The following FRMPD4 variants were observed in gnomAD, a reference collection of about 807,000 sequenced individuals.
FRMPD4 encodes FERM and PDZ domain-containing protein 4.
FRMPD4 carries 22 observed loss-of-function variants against 94.1 expected under a neutral mutation model. The observed-to-expected ratio is 0.23, with a 90% confidence interval of 0.17 to 0.33. FRMPD4 has a LOEUF of 0.33. Ranked by LOEUF, FRMPD4 falls within the 10% of genes least tolerant of loss-of-function variation. FRMPD4 has a pLI of 1.00. For missense variants in FRMPD4, 1,111 were observed against 1,339.9 expected, an observed-to-expected ratio of 0.83 and a Z score of 2.67; for synonymous variants, 631 against 548.6, an observed-to-expected ratio of 1.15 and a Z score of -2.10.
chrX:11,832,650 G>T (rs1014036133), intron 1 of FRMPD4, among the ~76,000 whole-genome samples: 1 of 111,748 alleles, frequency 8.9e-6, no homozygotes, highest in African/African-American at 3.3e-5. Context: ...TTAAAGAGGA[G>T]CATCCCCAAC....
At chrX:12,004,671 A>G (rs1375466514) in intron 3 of FRMPD4, among the ~76,000 whole-genome samples, 1 of 98,927 alleles carries the variant, frequency 1.0e-5, no homozygotes, top group African/African-American at 3.7e-5. Context: ...AATGTTTGGT[A>G]TTGTTTTCTG....
intron 1 of FRMPD4, among the ~76,000 whole-genome samples, chrX:11,862,996 C>CTT (rs200591617): frequency 2.7e-4 from 17 of 63,830 alleles, no homozygotes; most frequent in African/African-American, 7.9e-4. Context: ...GCATCTCTCT[C>CTT]TCTTTTTTTT....
chrX:12,669,359 A>T (rs1202498984), intron 4 of FRMPD4, among the ~76,000 whole-genome samples: 5 of 111,755 alleles, frequency 4.5e-5, no homozygotes, highest in African/African-American at 1.6e-4. Context: ...CCCATATGGG[A>T]CCCCAGCCCT....
intron 1 of FRMPD4, among the ~76,000 whole-genome samples, chrX:12,412,961 A>G (rs1377835596): frequency 9.1e-6 from 1 of 109,558 alleles, no homozygotes; most frequent in Non-Finnish European, 1.9e-5. Context: ...AAAAATAATA[A>G]TACTGATAGT....
chrX:12,285,231 A>G (rs898449607), intron 1 of FRMPD4, among the ~76,000 whole-genome samples: 1 of 111,860 alleles, frequency 8.9e-6, no homozygotes, highest in Non-Finnish European at 1.9e-5. Flanking sequence ...GTGCAAGGCC[A>G]TTCATGAAGT....
chrX:12,585,994 T>C (rs1398421254), intron 2 of FRMPD4, among the ~76,000 whole-genome samples: 2 of 112,717 alleles, frequency 1.8e-5, no homozygotes, highest in Non-Finnish European at 3.7e-5. Context: ...TAGATCGATA[T>C]ATTGGCATAT....
chrX:12,709,102 T>C (rs892759772), intron 13 of FRMPD4, among the ~76,000 whole-genome samples: 4 of 111,860 alleles, frequency 3.6e-5, no homozygotes, highest in African/African-American at 9.8e-5. Context: ...GAAATGAGTG[T>C]CGTGCCCGGC....
intron 1 of FRMPD4, among the ~76,000 whole-genome samples, chrX:12,271,773 C>T (rs1435002974): frequency 1.8e-5 from 2 of 112,126 alleles, no homozygotes; most frequent in Non-Finnish European, 3.8e-5. Flanking sequence ...TACCTTTTGT[C>T]ATTAATGAGT....
chrX:12,369,843 A>G (rs1403777326), intron 1 of FRMPD4, among the ~76,000 whole-genome samples: 2 of 112,328 alleles, frequency 1.8e-5, no homozygotes, highest in African/African-American at 6.5e-5. Flanking sequence ...TCCTATGCCA[A>G]AGAGTTTGGA....
intron 2 of FRMPD4, among the ~76,000 whole-genome samples, chrX:12,510,434 T>C (rs574034931): frequency 8.9e-6 from 1 of 112,262 alleles, no homozygotes; most frequent in South Asian, 3.7e-4. Flanking sequence ...TACTCTGTAA[T>C]TTTTCTGCAA....
At chrX:12,348,589 GAAAAA>G (rs35385075) in intron 1 of FRMPD4, among the ~76,000 whole-genome samples, 1 of 66,106 alleles carries the variant, frequency 1.5e-5, no homozygotes, top group African/African-American at 5.6e-5. Context: ...ATGCTTCCAG[GAAAAA>G]AAAAAAAAAA....
intron 3 of FRMPD4, among the ~76,000 whole-genome samples, chrX:12,065,020 A>C (rs191798649): frequency 8.9e-6 from 1 of 112,168 alleles, no homozygotes; most frequent in African/African-American, 3.2e-5. Context: ...CTAAAGGAAG[A>C]GAAGGCAATT....
chrX:12,440,789 TA>T (rs909559299), intron 1 of FRMPD4, among the ~76,000 whole-genome samples: 2 of 110,149 alleles, frequency 1.8e-5, no homozygotes, highest in African/African-American at 6.8e-5. Context: ...TAGTGCCCTA[TA>T]AACTTACTTA....
intron 1 of FRMPD4, among the ~76,000 whole-genome samples, chrX:12,316,361 C>T (rs967430051): frequency 1.2e-4 from 13 of 110,005 alleles, no homozygotes; most frequent in Admixed American, 9.7e-4. Flanking sequence ...CCATGTTGGC[C>T]AGGCTGGTCT....
At chrX:12,166,734 T>C (rs2056126217) in intron 1 of FRMPD4, among the ~76,000 whole-genome samples, 1 of 111,520 alleles carries the variant, frequency 9.0e-6, no homozygotes, top group Non-Finnish European at 1.9e-5. Flanking sequence ...TCAGAGCCTG[T>C]TATTGGTCTA....
At chrX:12,490,004 C>T (rs894010484) in intron 1 of FRMPD4, among the ~76,000 whole-genome samples, 6 of 111,261 alleles carry the variant, frequency 5.4e-5, no homozygotes, top group Admixed American at 3.8e-4. Flanking sequence ...AGGACTGATA[C>T]AAGAGTCCTC....
intron 1 of FRMPD4, among the ~76,000 whole-genome samples, chrX:12,151,690 AC>A (rs2055853504): frequency 8.9e-6 from 1 of 112,267 alleles, no homozygotes; most frequent in Non-Finnish European, 1.9e-5. Flanking sequence ...ACATAAATAC[AC>A]TATTCTATCC....
At chrX:12,581,599 G>A (rs2148378331) in intron 2 of FRMPD4, among the ~76,000 whole-genome samples, 1 of 112,066 alleles carries the variant, frequency 8.9e-6, no homozygotes, top group South Asian at 3.7e-4. Flanking sequence ...AATTCTACCA[G>A]AGTGGTATCC....
At chrX:12,117,988 T>A (rs887761665) in intron 3 of FRMPD4, among the ~76,000 whole-genome samples, 1 of 111,644 alleles carries the variant, frequency 9.0e-6, no homozygotes, top group African/African-American at 3.3e-5. Flanking sequence ...CACCTTATAT[T>A]TCATCTGGGC....
Sources: gnomAD v4.1 joint callset for allele counts (sites outside exome capture counted in the v4.1 genomes callset) on GRCh38, gnomAD v4.1.1 for gene constraint, MANE v1.5 for transcripts, NCBI Gene and HGNC (gene_info 2026-07-23, HGNC 2026-07-21) for gene names.